The following SPATS2L variants were observed in gnomAD, a reference collection of about 807,000 sequenced individuals.
SPATS2L encodes SPATS2-like protein.
A neutral mutation model predicts 59.6 loss-of-function variants in SPATS2L; 30 were observed. That is an observed-to-expected ratio of 0.50 (90% CI 0.38 to 0.68). The LOEUF (loss-of-function observed/expected upper bound fraction) is 0.68, where lower values mean the gene tolerates loss of function less well. Ranked by LOEUF, SPATS2L falls within the 30% of genes least tolerant of loss-of-function variation. The pLI is 0.00. For missense variants in SPATS2L, 615 were observed against 700.0 expected (o/e 0.88, Z 1.37); for synonymous variants, 252 against 263.5 (o/e 0.96, Z 0.42).
chr2:200,455,724 G>A (rs538887766), intron 8 of SPATS2L, among the ~76,000 whole-genome samples: 1 of 152,154 alleles, frequency 6.6e-6, no homozygotes, highest in Non-Finnish European at 1.5e-5. Flanking sequence ...CTCCATATCT[G>A]GTAACTCCAT....
intron 2 of SPATS2L, among the ~76,000 whole-genome samples, chr2:200,336,375 C>T (rs1435150179): frequency 2.6e-5 from 4 of 151,936 alleles, no homozygotes; most frequent in Non-Finnish European, 5.9e-5. Flanking sequence ...AGGTATATAA[C>T]ATATTAATAC....
intron 9 of SPATS2L, among the ~76,000 whole-genome samples, chr2:200,466,638 C>T (rs2086624702): frequency 6.6e-6 from 1 of 152,220 alleles, no homozygotes; most frequent in African/African-American, 2.4e-5. Context: ...TGGCCTCACT[C>T]ACTCTTGAAA....
intron 3 of SPATS2L, among the ~76,000 whole-genome samples, chr2:200,397,122 A>G (rs1167161912): frequency 6.6e-6 from 1 of 152,192 alleles, no homozygotes; most frequent in Non-Finnish European, 1.5e-5. Context: ...CGGAATTCAC[A>G]GTGTTTCTCT....
At chr2:200,410,330 C>A (rs1290512532) in intron 3 of SPATS2L, among the ~76,000 whole-genome samples, 1 of 152,076 alleles carries the variant, frequency 6.6e-6, no homozygotes, top group African/African-American at 2.4e-5. Flanking sequence ...TAATGACCTT[C>A]CTGGGCTGGA....
At chr2:200,461,744 GA>G (rs1338610183) in intron 9 of SPATS2L, among the ~76,000 whole-genome samples, 5 of 152,220 alleles carry the variant, frequency 3.3e-5, no homozygotes, top group African/African-American at 1.2e-4. Context: ...TGAAAGATCA[GA>G]CCAGATTCTT....
chr2:200,376,410 G>A (rs1345629661), intron 2 of SPATS2L, among the ~76,000 whole-genome samples: 1 of 152,052 alleles, frequency 6.6e-6, no homozygotes, highest in African/African-American at 2.4e-5. Flanking sequence ...AAACTAAAGG[G>A]AATTAAAATC....
At chr2:200,313,924 C>A (rs1236913808) in intron 1 of SPATS2L, among the ~76,000 whole-genome samples, 2 of 152,164 alleles carry the variant, frequency 1.3e-5, no homozygotes, top group Admixed American at 1.3e-4. Flanking sequence ...TCCTCATTTT[C>A]TTTCTTGTCC....
At position 200,477,689 on chromosome 2, in the gene SPATS2L, G is replaced by A; in HGVS notation, c.1335G>A (p.Arg445=). ...TTAATCCACAGTATCATAACAACAGGCTAAATGGGCCTGCCAAGTCGCAGG... is the reference window on the plus strand; with the variant it reads ...TTAATCCACAGTATCATAACAACAGACTAAATGGGCCTGCCAAGTCGCAGG... ...RRFNPQYHNN[R]LNGPAKSQGS... The change falls in exon 13 of 13, where the codon AGG becomes AGA. Residue 445 remains arginine, a synonymous_variant. Coordinates refer to ENST00000409140, the MANE Select transcript of SPATS2L (RefSeq NM_001100423.2). 6.4e-7 allele frequency: 1 copy of A among 1,566,090 alleles called. No individual in the cohort carries two copies.
chr2:200,330,563 C>T (rs1001290890), intron 2 of SPATS2L, among the ~76,000 whole-genome samples: 4 of 152,306 alleles, frequency 2.6e-5, no homozygotes, highest in East Asian at 1.9e-4. Context: ...CATGCACAGG[C>T]GCACACACTG....
At chr2:200,367,672 C>T (rs1326192660) in intron 2 of SPATS2L, among the ~76,000 whole-genome samples, 2 of 149,756 alleles carry the variant, frequency 1.3e-5, no homozygotes, top group East Asian at 2.0e-4. Flanking sequence ...AAGGAATGCC[C>T]ATATTTACAT....
intron 1 of SPATS2L, chr2:200,309,152 T>C (rs1250347729): frequency 2.8e-6 from 2 of 717,192 alleles, no homozygotes; most frequent in Non-Finnish European, 5.2e-6. Context: ...TGGGGCCTAA[T>C]TTTTGTGAGT....
intron 6 of SPATS2L, among the ~76,000 whole-genome samples, chr2:200,430,968 T>A (rs1379526775): frequency 6.6e-6 from 1 of 152,174 alleles, no homozygotes; most frequent in Non-Finnish European, 1.5e-5. Context: ...TCTGCCCACC[T>A]TGGCTTCCCA....
intron 5 of SPATS2L, among the ~76,000 whole-genome samples, chr2:200,418,921 A>G (rs2083188176): frequency 6.6e-6 from 1 of 152,228 alleles, no homozygotes; most frequent in Non-Finnish European, 1.5e-5. Context: ...AAATTTTTTC[A>G]GGATGGTTAT....
At chr2:200,444,227 A>T (rs2084885604) in intron 8 of SPATS2L, among the ~76,000 whole-genome samples, 1 of 152,248 alleles carries the variant, frequency 6.6e-6, no homozygotes, top group African/African-American at 2.4e-5. Context: ...ATTGCTTTAT[A>T]TGCAGACTAG....
At chr2:200,436,323 T>G (rs1221844435) in intron 6 of SPATS2L, among the ~76,000 whole-genome samples, 1 of 152,196 alleles carries the variant, frequency 6.6e-6, no homozygotes, top group Non-Finnish European at 1.5e-5. Context: ...GTAACACTGA[T>G]ACATTCATTA....
Position 200,316,024 on chromosome 2 carries a change from CA to C in SPATS2L, c.-73+9123del, listed in dbSNP as rs369862567. Among the ~76,000 whole-genome samples, 362 of 49,804 alleles carry C rather than the reference CA, an allele frequency of 7.3e-3. 1 individual carries two copies. Among genetic ancestry groups the C allele is most frequent in the South Asian group, 0.042 (58 of 1,368 alleles). 32.7% of individuals were successfully genotyped at this position (49,804 alleles called of 152,430 possible). A position where few individuals can be genotyped will look rare whatever the true frequency, so the allele number is the denominator to read the frequency against. On this transcript the variant is annotated intron_variant, in intron 1 of 12. Transcript: ENST00000409140. ...TGGGAGACAGTGTGAGACTCCATCT[CA>C]AAAAAAAAAAAAAAAAAAAAGAGAT...
chr2:200,429,608 T>C (rs899840135), intron 6 of SPATS2L, among the ~76,000 whole-genome samples: 5 of 152,116 alleles, frequency 3.3e-5, no homozygotes, highest in African/African-American at 9.7e-5. Flanking sequence ...AGGATGTAGG[T>C]TGGAGCTCCT....
rs1424257839 is a variant in SPATS2L at position 200,462,125 on chromosome 2, CTA to C, written c.847+2299_847+2300del. On this transcript the variant is annotated intron_variant, in intron 9 of 12. Transcript: ENST00000409140. Reference sequence around the variant, plus strand: ...GTATAGCTTACTTCAGTTTCATGTCCTAATGATAAAAATGCTAACAACCAACA... The same window carrying C: ...GTATAGCTTACTTCAGTTTCATGTCCATGATAAAAATGCTAACAACCAACA... 9.9e-5 allele frequency among the ~76,000 whole-genome samples: 15 copies of C among 152,274 alleles called. No individual in the cohort carries two copies. The South Asian group carries it at 1.5e-3, about 15-fold the overall frequency.
rs755792866 is a variant in SPATS2L at position 200,412,439 on chromosome 2, G to C, written c.148+20G>C. 6 of 1,398,160 alleles carry C rather than the reference G, an allele frequency of 4.3e-6. No homozygotes were observed. The highest frequency in any genetic ancestry group is 2.1e-5 in the Admixed American group (1 of 47,764). 86.6% of individuals were successfully genotyped at this position (1,398,160 alleles called of 1,614,324 possible). On this transcript the variant is annotated intron_variant, in intron 4 of 12. Transcript: ENST00000409140. ...TGGATGGTAGGTATACCTGTACCCT[G>C]CAGCTGAAGATGTTAGACTTAAATA... is the stretch of plus-strand genomic sequence containing the variant.
Sources: gnomAD v4.1 joint callset for allele counts (sites outside exome capture counted in the v4.1 genomes callset) on GRCh38, gnomAD v4.1.1 for gene constraint, MANE v1.5 for transcripts, NCBI Gene and HGNC (gene_info 2026-07-23, HGNC 2026-07-21) for gene names.